MRAP: variants seen among roughly 807,000 people sequenced by gnomAD.
The protein encoded by MRAP is melanocortin-2 receptor accessory protein.
MRAP carries 8 observed loss-of-function variants against 8.7 expected under a neutral mutation model. That is an observed-to-expected ratio of 0.92 (90% CI 0.54 to 1.66). MRAP has a LOEUF of 1.66. Among genes scored for constraint, MRAP ranks in the 40% most tolerant of loss-of-function variants. The pLI is 0.00. For missense variants in MRAP, 237 were observed against 217.1 expected (o/e 1.09, Z -0.58); for synonymous variants, 95 against 95.5 (o/e 1.00, Z 0.03).
rs1211512250 is a variant in MRAP at position 32,306,439 on chromosome 21, A to G, written c.107-201A>G. On this transcript the variant is annotated intron_variant, in intron 1 of 2. Transcript: ENST00000303645. ...GACCCCGTGGCCAGCTGCCCTGAGG[A>G]AAAAGACACTTCTTGGCTCCCCTGT... The G allele has an allele frequency of 7.9e-6, 5 of 636,736 alleles. 1 individual carries two copies. The highest frequency in any genetic ancestry group is 1.1e-5 in the Non-Finnish European group (4 of 349,134). 39.4% of individuals were successfully genotyped at this position (636,736 alleles called of 1,614,324 possible).
downstream of MRAP, chr21:32,312,785 C>T (rs901338067): frequency 6.6e-6 from 1 of 152,248 alleles, no homozygotes; most frequent in Non-Finnish European, 1.5e-5. Flanking sequence ...ACCCATATGT[C>T]CCCTACAGCT....
rs905643271 is a variant in MRAP, at chr21:32,312,058, C to A, written c.*62C>A. 1.9e-6 allele frequency: 3 copies of A among 1,607,954 alleles called. No individual in the cohort carries two copies. Among genetic ancestry groups the A allele is most frequent in the Admixed American group, 1.7e-5 (1 of 59,966 alleles). On this transcript the variant is annotated 3_prime_UTR_variant, in exon 3 of 3. Coordinates refer to ENST00000303645, the MANE Select transcript of MRAP (RefSeq NM_001379228.1). ...GAAATCAAGCCAACCTGGACACATA[C>A]GTTCCTCGTTCTTCTTAGAGGCCAT... is the stretch of plus-strand genomic sequence containing the variant.
At chr21:32,312,793 GC>G (rs1366572375), downstream of MRAP, 1 of 152,234 alleles carries the variant, frequency 6.6e-6, no homozygotes, top group Middle Eastern at 3.2e-3. Flanking sequence ...GTCCCCTACA[GC>G]TTTCAGGCAA....
upstream of MRAP, among the ~76,000 whole-genome samples, chr21:32,296,790 C>T (rs1233053505): frequency 2.0e-5 from 3 of 152,056 alleles, no homozygotes; most frequent in South Asian, 2.1e-4. Context: ...AAAAATAGTA[C>T]ATCTGTATAG....
At chr21:32,298,735 T>C, upstream of MRAP, 2 of 478,932 alleles carry the variant, frequency 4.2e-6, no homozygotes, top group Non-Finnish European at 7.7e-6. Context: ...CTTTGGAGTT[T>C]TATCAAGAAG....
chr21:32,309,354 C>G (rs538739773), intron 2 of MRAP, among the ~76,000 whole-genome samples: 1 of 152,120 alleles, frequency 6.6e-6, no homozygotes, highest in Admixed American at 6.5e-5. Flanking sequence ...CTGCCCTGCC[C>G]GTGGTGTCTC....
At position 32,304,489 on chromosome 21, in the gene MRAP, C is replaced by T. The variant is rs532195971; in HGVS notation, c.107-2151C>T. 1.2e-4 allele frequency among the ~76,000 whole-genome samples: 19 copies of T among 152,178 alleles called. No homozygotes were observed. In the East Asian group the frequency reaches 3.3e-3, roughly 26 times the overall value. ...AATTAGCTGGATGTGGTGGTGGGCA[C>T]CTGTAATCCCAGCTACTCGGGAGGC... On this transcript the variant is annotated intron_variant, in intron 1 of 2. Coordinates refer to ENST00000303645, the MANE Select transcript of MRAP (RefSeq NM_001379228.1).
intron 1 of MRAP, among the ~76,000 whole-genome samples, chr21:32,305,406 C>T (rs553175010): frequency 6.6e-6 from 1 of 152,244 alleles, no homozygotes; most frequent in Admixed American, 6.5e-5. Context: ...CAATCTTCAC[C>T]CCAGAGCCTC....
intron 1 of MRAP, among the ~76,000 whole-genome samples, chr21:32,303,652 T>C (rs1283422569): frequency 6.6e-6 from 1 of 152,212 alleles, no homozygotes; most frequent in Admixed American, 6.5e-5. Flanking sequence ...TAAGTTTCTA[T>C]GGCTGGACCA....
chr21:32,311,651 T>C (rs1178081516), intron 2 of MRAP, 33 bp from the exon 3 acceptor site: 3 of 1,610,844 alleles, frequency 1.9e-6, no homozygotes, highest in Non-Finnish European at 2.5e-6. Context: ...GCAGCAACTA[T>C]GATGCCTGCC....
chr21:32,306,523 G>A, intron 1 of MRAP, 117 bp from the exon 2 acceptor site: 2 of 783,602 alleles, frequency 2.6e-6, no homozygotes, highest in Non-Finnish European at 4.5e-6. Context: ...TGAGAGGCTG[G>A]AGGACAACCG....
At chr21:32,293,444 G>T (rs1465601562) in intron 2 of MRAP, among the ~76,000 whole-genome samples, 1 of 152,184 alleles carries the variant, frequency 6.6e-6, no homozygotes, top group Non-Finnish European at 1.5e-5. Flanking sequence ...CACCCAGGTT[G>T]CAAATCTCAG....
chr21:32,298,933 G>A lies in MRAP; in HGVS notation c.-39G>A, dbSNP rs2032193971. 1 of 1,508,030 alleles carries A rather than the reference G, an allele frequency of 6.6e-7. No homozygotes were observed. Among genetic ancestry groups the A allele is most frequent in the Non-Finnish European group, 9.2e-7 (1 of 1,085,650 alleles). The allele number at this position is 1,508,030 out of a possible 1,614,324, so 93.4% of individuals were successfully genotyped here. On this transcript the variant is annotated 5_prime_UTR_variant, in exon 1 of 3. Coordinates refer to ENST00000303645, the MANE Select transcript of MRAP (RefSeq NM_001379228.1). ...GGGCTTGGCGCCTGGCTCGAGGCGA[G>A]GCTGCCGGCCCGGACGCTGACTGCC...
At chr21:32,298,146 A>G (rs1293219182), upstream of MRAP, among the ~76,000 whole-genome samples, 2 of 152,162 alleles carry the variant, frequency 1.3e-5, no homozygotes, top group African/African-American at 4.8e-5. Flanking sequence ...TGAGGATCTC[A>G]GAGGAGGGTG....
Position 32,311,726 on chromosome 21 carries a change from C to T in MRAP, c.249C>T (p.Gly83=). The change falls in exon 3 of 3, where the codon GGC becomes GGT. Residue 83 remains glycine (G), a synonymous_variant. Transcript: ENST00000303645. ...ACCAAACATGCCCCTGGAGTCACGG[C>T]CTCAACCTCCACCTCTGCATCCAGA... ...KHHQTCPWSH[G]LNLHLCIQKC... 2 of 1,614,030 alleles carry T rather than the reference C, an allele frequency of 1.2e-6. No homozygotes were observed. Among genetic ancestry groups the T allele is most frequent in the Admixed American group, 1.7e-5 (1 of 60,022 alleles).
intron 1 of MRAP, among the ~76,000 whole-genome samples, chr21:32,305,962 C>G (rs905545824): frequency 2.6e-5 from 4 of 152,192 alleles, no homozygotes; most frequent in East Asian, 1.9e-4. Flanking sequence ...TCCCTTTCCC[C>G]CTTCAGCCTC....
chr21:32,299,179 A>G (rs867221565), intron 1 of MRAP, 102 bp downstream of exon 1: 1 of 841,060 alleles, frequency 1.2e-6, no homozygotes, highest in African/African-American at 1.7e-5. Flanking sequence ...TAACTCCGGT[A>G]GACATCATGG....
At chr21:32,300,175 C>G (rs1047419352) in intron 1 of MRAP, among the ~76,000 whole-genome samples, 5 of 152,174 alleles carry the variant, frequency 3.3e-5, no homozygotes, top group Non-Finnish European at 7.4e-5. Context: ...TCACTTGAGG[C>G]CAGGAGTTCG....
chr21:32,298,816 T>C (rs867218847), upstream of MRAP: 156 of 655,282 alleles, frequency 2.4e-4, 2 homozygotes, highest in South Asian at 1.4e-3. Context: ...TCCAGCCAAA[T>C]AGCTCTGATA....
Sources: allele counts gnomAD v4.1 joint callset (sites outside exome capture counted in the v4.1 genomes callset), GRCh38; gene constraint gnomAD v4.1.1; transcripts MANE v1.5; gene names NCBI Gene and HGNC (gene_info 2026-07-23, HGNC 2026-07-21).